CFAP70: variants seen among roughly 807,000 people sequenced by gnomAD.
The protein encoded by CFAP70 is cilia and flagella associated protein 70.
In CFAP70, 81 loss-of-function variants were observed where a neutral mutation model predicts 137.6. The ratio of observed to expected loss-of-function variants is 0.59; its 90% CI spans 0.49 to 0.71. The LOEUF (loss-of-function observed/expected upper bound fraction) is 0.71. Ranked by LOEUF, CFAP70 falls within the 30% of genes least tolerant of loss-of-function variation. The probability of loss-of-function intolerance (pLI) is 0.00; values close to 1 mark genes in which losing one functional copy is unlikely to be tolerated. For missense variants in CFAP70, 976 were observed against 1,226.7 expected (o/e 0.80, Z 3.05); for synonymous variants, 382 against 423.6 (o/e 0.90, Z 1.20).
chr10:73,321,972 C>T (rs529247311), intron 9 of CFAP70, among the ~76,000 whole-genome samples: 40 of 152,148 alleles, frequency 2.6e-4, no homozygotes, highest in African/African-American at 8.9e-4. Context: ...TTAGTAGAGA[C>T]GGGTTTTTGC....
At chr10:73,359,534 A>G (rs1395521000), upstream of CFAP70, among the ~76,000 whole-genome samples, 2 of 152,254 alleles carry the variant, frequency 1.3e-5, no homozygotes, top group Admixed American at 1.3e-4. Context: ...ATAACGGATT[A>G]CAACCCATTG....
intron 12 of CFAP70, among the ~76,000 whole-genome samples, chr10:73,302,351 C>T (rs1392403509): frequency 6.6e-6 from 1 of 152,164 alleles, no homozygotes; most frequent in Admixed American, 6.5e-5. Flanking sequence ...GAAAGTTCCT[C>T]AAGGAGGGTT....
At chr10:73,316,455 TTTG>T (rs2050341858) in intron 9 of CFAP70, among the ~76,000 whole-genome samples, 1 of 139,736 alleles carries the variant, frequency 7.2e-6, no homozygotes, top group Admixed American at 7.1e-5. Flanking sequence ...ATTTAATTCC[TTTG>T]TTGAGATATA....
intron 8 of CFAP70, 21 bp from the exon 10 acceptor site, chr10:73,323,118 A>G: frequency 6.2e-7 from 1 of 1,600,410 alleles, no homozygotes; most frequent in Non-Finnish European, 8.5e-7. Context: ...AAAACCAGAG[A>G]GTTGTTAGTG....
upstream of CFAP70, among the ~76,000 whole-genome samples, chr10:73,361,196 G>T (rs2054990963): frequency 6.6e-6 from 1 of 151,230 alleles, no homozygotes; most frequent in Non-Finnish European, 1.5e-5. Flanking sequence ...ACAGGGCCAT[G>T]TTGGCCAGGC....
At chr10:73,320,278 T>G (rs1462338175) in intron 9 of CFAP70, among the ~76,000 whole-genome samples, 2 of 152,158 alleles carry the variant, frequency 1.3e-5, no homozygotes, top group Non-Finnish European at 2.9e-5. Context: ...GAAATTTATT[T>G]TGATCTATAT....
At chr10:73,358,062 G>A (rs2054803058) in intron 1 of CFAP70, among the ~76,000 whole-genome samples, 1 of 152,174 alleles carries the variant, frequency 6.6e-6, no homozygotes, top group Admixed American at 6.5e-5. Context: ...CTTCCAACCT[G>A]TTTCACATTT....
intron 12 of CFAP70, 64 bp from the exon 14 acceptor site, chr10:73,299,729 T>C: frequency 7.6e-7 from 1 of 1,317,264 alleles, no homozygotes; most frequent in Non-Finnish European, 1.0e-6. Context: ...GATGTATATT[T>C]TCTTTTATCT....
rs1204217542 is a variant in CFAP70 at position 73,335,541 on chromosome 10, C to A, written c.583-17G>T. The stretch of plus-strand genomic sequence containing the variant: ...TTCGCTGTCCTGTAAAATATAAATA[C>A]TTCTGTTCTCGGTATGTGTGCCATG... On this transcript the variant is annotated splice_polypyrimidine_tract_variant and intron_variant, in intron 6 of 26. Coordinates refer to ENST00000310715, the Ensembl canonical transcript of CFAP70. 6.3e-7 allele frequency: 1 copy of A among 1,583,086 alleles called. No individual in the cohort carries two copies. The highest frequency in any genetic ancestry group is 8.7e-7 in the Non-Finnish European group (1 of 1,154,730).
At chr10:73,306,711 T>G (rs1363076390) in intron 12 of CFAP70, among the ~76,000 whole-genome samples, 4 of 151,458 alleles carry the variant, frequency 2.6e-5, no homozygotes, top group African/African-American at 7.3e-5. Flanking sequence ...CTACAAAAAT[T>G]ACAGAAAAAA....
intron 8 of CFAP70, 62 bp from the exon 10 acceptor site, chr10:73,323,159 T>G: frequency 1.4e-6 from 2 of 1,448,988 alleles, no homozygotes; most frequent in Admixed American, 2.3e-5. Flanking sequence ...GGTATGGAGC[T>G]CTGACTCAGC....
rs184817633 is a variant in CFAP70 at position 73,305,754 on chromosome 10, T to A, written c.1256+4404A>T. Among the ~76,000 whole-genome samples the A allele has an allele frequency of 2.0e-5, 3 of 152,290 alleles. No homozygotes were observed. The East Asian group carries it at 5.8e-4, about 29-fold the overall frequency. On this transcript the variant is annotated intron_variant, in intron 12 of 26. Transcript: ENST00000310715. Reference sequence around the variant, plus strand: ...AAATTCCCACATGATAGTATCCACATGTCCAGTTTTCAACGATGATAAAAT... The same window carrying A: ...AAATTCCCACATGATAGTATCCACAAGTCCAGTTTTCAACGATGATAAAAT...
intron 19 of CFAP70, among the ~76,000 whole-genome samples, chr10:73,288,677 CCCA>C (rs1483528688): frequency 6.6e-6 from 1 of 152,178 alleles, no homozygotes; most frequent in African/African-American, 2.4e-5. Context: ...CCTGGCTCTT[CCCA>C]CCACTTCTGG....
intron 7 of CFAP70, 146 bp from the exon 9 acceptor site, chr10:73,331,422 G>A (rs374685517): frequency 6.4e-6 from 4 of 621,878 alleles, no homozygotes; most frequent in South Asian, 2.1e-5. Context: ...GCTCATGCCT[G>A]TAAATGCCAG....
intron 19 of CFAP70, among the ~76,000 whole-genome samples, chr10:73,290,052 A>C (rs1328300389): frequency 1.3e-5 from 2 of 151,968 alleles, no homozygotes; most frequent in African/African-American, 4.8e-5. Flanking sequence ...CTCAAAAAAA[A>C]AAAAAAAAGA....
chr10:73,313,823 T>G (rs1311364924), intron 9 of CFAP70, among the ~76,000 whole-genome samples: 1 of 152,032 alleles, frequency 6.6e-6, no homozygotes, highest in Non-Finnish European at 1.5e-5. Flanking sequence ...GCCTGGGCAA[T>G]AGAGTGAGAC....
At chr10:73,277,434 G>T in intron 20 of CFAP70, 73 bp from the exon 22 acceptor site, 3 of 1,525,936 alleles carry the variant, frequency 2.0e-6, no homozygotes, top group Non-Finnish European at 2.7e-6. Context: ...GACACATTCG[G>T]GTGGGTGCGG....
chr10:73,304,186 T>G (rs1248156627), intron 12 of CFAP70, among the ~76,000 whole-genome samples: 1 of 152,122 alleles, frequency 6.6e-6, no homozygotes, highest in African/African-American at 2.4e-5. Flanking sequence ...CCCAAGTAGC[T>G]GGGACTACAG....
intron 12 of CFAP70, among the ~76,000 whole-genome samples, chr10:73,309,880 C>T (rs1280153465): frequency 6.6e-5 from 10 of 152,016 alleles, no homozygotes; most frequent in Non-Finnish European, 1.3e-4. Flanking sequence ...TGGTCTCAAA[C>T]TCCTGAGCTC....
Sources: allele counts gnomAD v4.1 joint callset (sites outside exome capture counted in the v4.1 genomes callset), GRCh38; gene constraint gnomAD v4.1.1; transcripts MANE v1.5; gene names NCBI Gene and HGNC (gene_info 2026-07-23, HGNC 2026-07-21).